The following CTIF variants were observed in gnomAD, a reference collection of about 807,000 sequenced individuals.
CTIF encodes cap binding complex dependent translation initiation factor, also known as CBP80/20-dependent translation initiation factor.
CTIF carries 21 observed loss-of-function variants against 66.0 expected under a neutral mutation model. That is an observed-to-expected ratio of 0.32 (90% CI 0.23 to 0.46). The LOEUF is 0.46. Ranked by LOEUF, CTIF falls within the 20% of genes least tolerant of loss-of-function variation. CTIF has a pLI of 1.00. For synonymous variants in CTIF, 345 were observed against 326.4 expected (o/e 1.06, Z -0.62); for missense variants, 739 against 812.7 (o/e 0.91, Z 1.10).
chr18:48,568,655 A>AAAAAAAAAAAAAAG (rs2089337882), intron 1 of CTIF, among the ~76,000 whole-genome samples: 1 of 145,340 alleles, frequency 6.9e-6, no homozygotes, highest in Non-Finnish European at 1.5e-5. Flanking sequence ...AAAAAAAAAA[A>AAAAAAAAAAAAAAG]AAAAAAAAAA....
intron 6 of CTIF, among the ~76,000 whole-genome samples, chr18:48,701,643 A>G (rs959741829): frequency 3.3e-5 from 5 of 152,190 alleles, no homozygotes; most frequent in African/African-American, 1.2e-4. Flanking sequence ...TGTTTCCTGT[A>G]CATTTTACCC....
At chr18:48,722,396 T>C (rs1376552748) in intron 7 of CTIF, among the ~76,000 whole-genome samples, 1 of 151,876 alleles carries the variant, frequency 6.6e-6, no homozygotes, top group Non-Finnish European at 1.5e-5. Context: ...TTTTATTTTT[T>C]ATTTTATAGA....
At chr18:48,731,861 G>A (rs1163057837) in intron 7 of CTIF, among the ~76,000 whole-genome samples, 1 of 152,192 alleles carries the variant, frequency 6.6e-6, no homozygotes, top group African/African-American at 2.4e-5. Flanking sequence ...AAATCTTTCA[G>A]GTTTTGCAGG....
At chr18:48,703,110 A>G (rs2092105394) in intron 6 of CTIF, among the ~76,000 whole-genome samples, 1 of 152,230 alleles carries the variant, frequency 6.6e-6, no homozygotes, top group Admixed American at 6.5e-5. Flanking sequence ...GTCCTGAGCT[A>G]GCAGGGTCTG....
In CTIF at chr18:48,761,360, G is replaced by A; in HGVS notation, c.1072-30G>A. 6.2e-7 allele frequency: 1 copy of A among 1,604,126 alleles called. No individual in the cohort carries two copies. The highest frequency in any genetic ancestry group is 1.1e-5 in the South Asian group (1 of 89,990). On this transcript the variant is annotated intron_variant, in intron 8 of 11. Coordinates refer to ENST00000256413, the MANE Select transcript of CTIF (RefSeq NM_014772.3). The surrounding 1 kb of genome is among the most constrained non-coding windows in gnomAD (Gnocchi z 4.2). ...TGCACAGAGACCTCGGCTTCACTCA[G>A]GCACATTCATTTGTCTCCGACACCC...
intron 1 of CTIF, among the ~76,000 whole-genome samples, chr18:48,556,883 C>A (rs902704396): frequency 7.9e-5 from 12 of 152,152 alleles, no homozygotes; most frequent in Non-Finnish European, 1.5e-5. Context: ...GGCATTGTGA[C>A]CTTAGGAGAG....
At chr18:48,568,650 A>AAAAAAAAAAAAAAAAAAAAAAAAC in intron 1 of CTIF, among the ~76,000 whole-genome samples, 1 of 144,372 alleles carries the variant, frequency 6.9e-6, no homozygotes, top group Non-Finnish European at 1.5e-5. Context: ...AAAAAAAAAA[A>AAAAAAAAAAAAAAAAAAAAAAAAC]AAAAAAAAAA....
At position 48,648,170 on chromosome 18, in the gene CTIF, G is replaced by A. The variant is rs560262612; in HGVS notation, c.252+11485G>A. Among the ~76,000 whole-genome samples, 44 of 152,206 alleles carry A rather than the reference G, an allele frequency of 2.9e-4. 1 individual carries two copies. The South Asian group carries it at 8.9e-3, about 31-fold the overall frequency. ...CTTAATTAGCTGAGAGTGGGCAGAGGGTTGGCCTAGGAGAAATATACTTGG... is the reference window on the plus strand; with the variant it reads ...CTTAATTAGCTGAGAGTGGGCAGAGAGTTGGCCTAGGAGAAATATACTTGG... On this transcript the variant is annotated intron_variant, in intron 3 of 11. Coordinates refer to ENST00000256413, the MANE Select transcript of CTIF (RefSeq NM_014772.3).
chr18:48,645,140 G>C (rs1056747626), intron 3 of CTIF, among the ~76,000 whole-genome samples: 3 of 152,118 alleles, frequency 2.0e-5, no homozygotes, highest in African/African-American at 7.2e-5. Context: ...ATGAACGTAA[G>C]AAGACTCGGA....
chr18:48,822,655 A>C (rs7230151), intron 10 of CTIF, among the ~76,000 whole-genome samples: 45,410 of 151,916 alleles, frequency 0.3, 7,968 homozygotes, highest in African/African-American at 0.49. Flanking sequence ...ATCCTGATTC[A>C]AGCTCTTTTG....
In CTIF at chr18:48,681,620, G is replaced by T. The variant is rs549167561; in HGVS notation, c.507+10876G>T. 2.0e-5 allele frequency among the ~76,000 whole-genome samples: 3 copies of T among 152,252 alleles called. No individual in the cohort carries two copies. In the East Asian group the frequency reaches 5.8e-4, roughly 29 times the overall value. On this transcript the variant is annotated intron_variant, in intron 6 of 11. Transcript: ENST00000256413. ...ACCCTGGACTTTCCTTTAGCCCAGG[G>T]CCTGCTGGCACCCCCGGCTTCTTTC...
intron 6 of CTIF, among the ~76,000 whole-genome samples, chr18:48,708,085 A>G (rs1051600421): frequency 1.3e-5 from 2 of 152,220 alleles, no homozygotes; most frequent in Non-Finnish European, 2.9e-5. Flanking sequence ...ACTCCACTGT[A>G]TATATGTACC....
At chr18:48,733,149 G>A (rs2092470506) in intron 7 of CTIF, among the ~76,000 whole-genome samples, 1 of 152,150 alleles carries the variant, frequency 6.6e-6, no homozygotes, top group African/African-American at 2.4e-5. Flanking sequence ...GCCCTGGGGA[G>A]GCAGTATCCC....
At chr18:48,762,372 G>A (rs1334476320) in intron 9 of CTIF, among the ~76,000 whole-genome samples, 1 of 152,178 alleles carries the variant, frequency 6.6e-6, no homozygotes, top group African/African-American at 2.4e-5. Flanking sequence ...GCACTTGGAC[G>A]GAGCTTAGCA....
chr18:48,697,815 G>A (rs774660053), intron 6 of CTIF, among the ~76,000 whole-genome samples: 5 of 152,070 alleles, frequency 3.3e-5, no homozygotes, highest in Non-Finnish European at 7.4e-5. Flanking sequence ...GAGAATCTAA[G>A]GGATCACCTC....
At chr18:48,720,423 A>T (rs911377134) in intron 7 of CTIF, among the ~76,000 whole-genome samples, 1 of 152,062 alleles carries the variant, frequency 6.6e-6, no homozygotes, top group Non-Finnish European at 1.5e-5. Flanking sequence ...CCATCCTGTC[A>T]TCCGAGCCCA....
At chr18:48,563,085 G>C (rs1204174022) in intron 1 of CTIF, among the ~76,000 whole-genome samples, 1 of 152,222 alleles carries the variant, frequency 6.6e-6, no homozygotes, top group Admixed American at 6.5e-5. Context: ...CCGCCTCTTG[G>C]GCAGGTGGGA....
chr18:48,591,687 T>C (rs1428720333), intron 1 of CTIF, among the ~76,000 whole-genome samples: 1 of 152,214 alleles, frequency 6.6e-6, no homozygotes. Flanking sequence ...TGGAAATTGA[T>C]AGTTAGAGTA....
At chr18:48,681,729 T>C (rs2091745957) in intron 6 of CTIF, among the ~76,000 whole-genome samples, 1 of 152,158 alleles carries the variant, frequency 6.6e-6, no homozygotes, top group African/African-American at 2.4e-5. Context: ...GCCTTCAGTG[T>C]CCTTCCCACC....
Sources: gnomAD v4.1 joint callset for allele counts (sites outside exome capture counted in the v4.1 genomes callset) on GRCh38, gnomAD v4.1.1 for gene constraint, Gnocchi (gnomAD v3.1) non-coding constraint, MANE v1.5 for transcripts, NCBI Gene and HGNC (gene_info 2026-07-23, HGNC 2026-07-21) for gene names.